The following TTC28 variants were observed in gnomAD, a reference collection of about 807,000 sequenced individuals.
The protein encoded by TTC28 is tetratricopeptide repeat protein 28.
Under a neutral mutation model 198.0 loss-of-function variants are expected in TTC28, and 61 were observed. The ratio of observed to expected loss-of-function variants is 0.31; its 90% confidence interval spans 0.25 to 0.38. TTC28 has a LOEUF of 0.38. Among genes scored for constraint, TTC28 ranks in the 10% least tolerant of loss-of-function variants. The probability of loss-of-function intolerance (pLI) is 1.00; values close to 1 mark genes in which losing one functional copy is unlikely to be tolerated. For missense variants in TTC28, 2,678 were observed against 3,164.0 expected (o/e 0.85, Z 3.69); for synonymous variants, 1,171 against 1,297.8 (o/e 0.90, Z 2.10).
At chr22:28,317,057 A>C (rs2045364117) in intron 2 of TTC28, among the ~76,000 whole-genome samples, 1 of 152,090 alleles carries the variant, frequency 6.6e-6, no homozygotes, top group Admixed American at 6.6e-5. Flanking sequence ...TATAGGCTTG[A>C]GCCACTGCAC....
chr22:27,999,256 T>C lies in TTC28; in HGVS notation c.4403A>G (p.His1468Arg), dbSNP rs1352388694. ...GTATGTGGGCGGGTTCTTCCGTAAG[T>C]GAGACTAGGAGGGGAGGGGACAAAG... ...IRSLSVQSKSHLRKNPPTYSS... is the reference protein window; with the variant it reads ...IRSLSVQSKSRLRKNPPTYSS... The change falls in exon 16 of 23, where the codon CAC (histidine) becomes CGC (arginine). Residue 1468 changes from histidine (H) to arginine (R), a missense_variant. Coordinates refer to ENST00000397906, the MANE Select transcript of TTC28 (RefSeq NM_001145418.2). 11 of 1,547,384 alleles carry C rather than the reference T, an allele frequency of 7.1e-6. No individual in the cohort carries two copies. The highest frequency in any genetic ancestry group is 7.9e-6 in the Non-Finnish European group (9 of 1,145,134).
chr22:28,377,985 A>G (rs1481040877), intron 2 of TTC28, among the ~76,000 whole-genome samples: 1 of 152,236 alleles, frequency 6.6e-6, no homozygotes, highest in Non-Finnish European at 1.5e-5. Context: ...CATGCTAAGG[A>G]AAGATTGGAA....
rs1158996277 is a variant in TTC28 at position 28,105,809 on chromosome 22, G to C, written c.2784-7C>G. The C allele has an allele frequency of 6.5e-7, 1 of 1,538,498 alleles. No individual in the cohort carries two copies. The highest frequency in any genetic ancestry group is 1.4e-5 in the African/African-American group (1 of 72,226). On this transcript the variant is annotated splice_region_variant and splice_polypyrimidine_tract_variant and intron_variant, in intron 7 of 22. Coordinates refer to ENST00000397906, the MANE Select transcript of TTC28 (RefSeq NM_001145418.2). ...CTGCAAGCTCCCCATTGCCCTGTGG[G>C]GATGTAGACAGAAAAGCAATGATAT...
At chr22:28,357,176 G>A (rs2046089842) in intron 2 of TTC28, among the ~76,000 whole-genome samples, 1 of 151,960 alleles carries the variant, frequency 6.6e-6, no homozygotes, top group Admixed American at 6.6e-5. Context: ...CATACCTCCT[G>A]GCTCCAAGTC....
At chr22:28,339,331 G>A (rs546518716) in intron 2 of TTC28, among the ~76,000 whole-genome samples, 7 of 152,254 alleles carry the variant, frequency 4.6e-5, no homozygotes, top group East Asian at 3.9e-4. Flanking sequence ...TAGGCTACTC[G>A]GCGGTCAGGG....
intron 5 of TTC28, among the ~76,000 whole-genome samples, chr22:28,254,784 G>A (rs1157392951): frequency 6.6e-6 from 1 of 152,094 alleles, no homozygotes; most frequent in African/African-American, 2.4e-5. Flanking sequence ...CACATGAATG[G>A]GGAGGAAGAA....
intron 5 of TTC28, among the ~76,000 whole-genome samples, chr22:28,253,597 T>C (rs1930678895): frequency 6.6e-6 from 1 of 152,152 alleles, no homozygotes; most frequent in African/African-American, 2.4e-5. Flanking sequence ...ACTTGTTAAA[T>C]GAAAAATGAT....
intron 6 of TTC28, among the ~76,000 whole-genome samples, chr22:28,118,268 A>C (rs1444281501): frequency 6.6e-6 from 1 of 151,986 alleles, no homozygotes; most frequent in African/African-American, 2.4e-5. Flanking sequence ...GCATGGTGGC[A>C]TGCACCTGTA....
At chr22:28,433,552 C>A (rs1275943795) in intron 2 of TTC28, among the ~76,000 whole-genome samples, 2 of 152,036 alleles carry the variant, frequency 1.3e-5, no homozygotes, top group Non-Finnish European at 2.9e-5. Context: ...AAAGCCTAGG[C>A]TAAAACAAGA....
rs569254832 is a variant in TTC28 at position 28,334,930 on chromosome 22, A to G, written c.382-28287T>C. On this transcript the variant is annotated intron_variant, in intron 2 of 22. Coordinates refer to ENST00000397906, the MANE Select transcript of TTC28 (RefSeq NM_001145418.2). ...TGTTTTAGACATGAAGTCCTTGGCC[A>G]TGCCTATGTCCTGAATGGTATTGCC... 3.9e-5 allele frequency among the ~76,000 whole-genome samples: 6 copies of G among 152,316 alleles called. 1 individual carries two copies. The South Asian group carries it at 1.2e-3, about 32-fold the overall frequency.
intron 6 of TTC28, among the ~76,000 whole-genome samples, chr22:28,142,960 A>G (rs760816065): frequency 4.2e-4 from 64 of 151,998 alleles, no homozygotes; most frequent in Non-Finnish European, 7.5e-4. Flanking sequence ...ATTTTTCATG[A>G]CTCTCCAGGG....
intron 2 of TTC28, among the ~76,000 whole-genome samples, chr22:28,316,212 G>A (rs1386539200): frequency 6.6e-6 from 1 of 152,116 alleles, no homozygotes; most frequent in Admixed American, 6.5e-5. Flanking sequence ...AGGCAAGCCC[G>A]ACTGTGCAAG....
At chr22:28,522,470 A>AGTT (rs2048926884) in intron 2 of TTC28, among the ~76,000 whole-genome samples, 2 of 152,006 alleles carry the variant, frequency 1.3e-5, no homozygotes, top group South Asian at 4.2e-4. Flanking sequence ...CCTGGGCAAC[A>AGTT]AGTGCGAAAC....
chr22:28,372,153 T>C (rs1047946822), intron 2 of TTC28, among the ~76,000 whole-genome samples: 2 of 152,238 alleles, frequency 1.3e-5, no homozygotes, highest in East Asian at 3.9e-4. Flanking sequence ...CAATGACAGA[T>C]GATAGATTTA....
chr22:28,081,888 A>G (rs966648799), intron 12 of TTC28, among the ~76,000 whole-genome samples: 6 of 152,240 alleles, frequency 3.9e-5, no homozygotes, highest in African/African-American at 1.4e-4. Flanking sequence ...GTCCATGATC[A>G]TAGGATATCT....
chr22:28,510,644 A>C lies in TTC28; in HGVS notation c.381+118908T>G, dbSNP rs191372962. Among the ~76,000 whole-genome samples, 324 of 152,226 alleles carry C rather than the reference A, an allele frequency of 2.1e-3. 2 individuals are homozygous for C. Among genetic ancestry groups the C allele is most frequent in the African/African-American group, 7.3e-3 (305 of 41,554 alleles). ...GCCCCCTCTCCAACATAGTATTGGA[A>C]GTTCTCGCGAGGGCAATAGAGCAAG... On this transcript the variant is annotated intron_variant, in intron 2 of 22. Coordinates refer to ENST00000397906, the MANE Select transcript of TTC28 (RefSeq NM_001145418.2).
intron 2 of TTC28, among the ~76,000 whole-genome samples, chr22:28,349,293 T>C (rs571020903): frequency 3.3e-5 from 5 of 152,306 alleles, no homozygotes; most frequent in South Asian, 4.1e-4. Context: ...TGTAATTACA[T>C]AGAAACAGAT....
intron 2 of TTC28, among the ~76,000 whole-genome samples, chr22:28,387,977 G>T (rs967774456): frequency 1.3e-5 from 2 of 152,166 alleles, no homozygotes; most frequent in African/African-American, 4.8e-5. Context: ...TATGGTTTTA[G>T]GTCTAACGTT....
At chr22:28,515,279 T>C (rs1315584279) in intron 2 of TTC28, among the ~76,000 whole-genome samples, 2 of 152,224 alleles carry the variant, frequency 1.3e-5, no homozygotes, top group African/African-American at 2.4e-5. Context: ...GTGGATTCTA[T>C]GATCTTCCAA....
Sources: allele counts gnomAD v4.1 joint callset (sites outside exome capture counted in the v4.1 genomes callset), GRCh38; gene constraint gnomAD v4.1.1; transcripts MANE v1.5; gene names NCBI Gene and HGNC (gene_info 2026-07-23, HGNC 2026-07-21).